Variants in PHF10 observed in about 807,000 individuals in gnomAD.
The protein encoded by PHF10 is BRG1-associated factor 45a.
In PHF10, 51 loss-of-function variants were observed where a neutral mutation model predicts 68.5. The observed-to-expected ratio is 0.74, with a 90% CI of 0.59 to 0.94. PHF10 has a LOEUF of 0.94. Ranked by LOEUF, PHF10 falls within the 40% of genes least tolerant of loss-of-function variation. PHF10 has a pLI of 0.00. For synonymous variants in PHF10, 204 were observed against 203.5 expected, an observed-to-expected ratio of 1.00 and a Z score of -0.02; for missense variants, 460 against 602.6, an observed-to-expected ratio of 0.76 and a Z score of 2.48.
At chr6:169,710,428 A>C (rs1197243083) in intron 8 of PHF10, 37 bp from the exon 9 acceptor site, 3 of 1,491,904 alleles carry the variant, frequency 2.0e-6, no homozygotes, top group Non-Finnish European at 2.8e-6. Context: ...ATTCTTTGGA[A>C]TTAAGACAAA....
Position 169,714,836 on chromosome 6 carries a change from G to A in PHF10, c.700C>T (p.Gln234Ter). The A allele has an allele frequency of 6.6e-7, 1 of 1,508,256 alleles. No homozygotes were observed. Among genetic ancestry groups the A allele is most frequent in the Non-Finnish European group, 9.2e-7 (1 of 1,083,630 alleles). The allele number at this position is 1,508,256 out of a possible 1,614,324, so 93.4% of individuals were successfully genotyped here. A position where few individuals can be genotyped will look rare whatever the true frequency, so the allele number is the denominator to read the frequency against. ...ACTTTGTACTTCCCTTGAGGTACCT[G>A]GATAACCTACGTTAACATAAAGAGA... ...AYFDLQTHVI[Q>*]VPQGKYKVLP... Residue 234 changes from glutamine (Q) to a stop codon, truncating the protein, a stop_gained, in exon 7 of 12, where the codon CAG (glutamine) becomes TAG (stop). Transcript: ENST00000339209. LOFTEE classifies it high-confidence loss of function.
In PHF10 at chr6:169,704,043, C is replaced by A; in HGVS notation, c.1457G>T (p.Arg486Met). Residue 486 changes from arginine (R) to methionine (M), a missense_variant, in exon 12 of 12, where the codon AGG becomes ATG. This residue lies in a region of PHF10 where 111 missense variants were observed against 109.7 expected (regional missense o/e 1.01). Coordinates refer to ENST00000339209, the MANE Select transcript of PHF10 (RefSeq NM_018288.4). ...GTTTTTCCCCCTTCTGCCCACTTTC[C>A]TGGGTGTTGGGGGGGCCCGCTGACA... ...DCCQRAPPTP[R>M]KVGRRGKNSK... 6.3e-7 allele frequency: 1 copy of A among 1,598,228 alleles called. No homozygotes were observed. The highest frequency in any genetic ancestry group is 8.5e-7 in the Non-Finnish European group (1 of 1,175,372).
In PHF10 at chr6:169,724,335, A is replaced by AGCCCCGCCG. The variant is rs1562990521; in HGVS notation, c.-405_-404insCGGCGGGGC. Among the ~76,000 whole-genome samples the AGCCCCGCCG allele has an allele frequency of 1.1e-3, 77 of 69,926 alleles. No individual in the cohort carries two copies. Among genetic ancestry groups the AGCCCCGCCG allele is most frequent in the African/African-American group, 3.8e-3 (60 of 15,986 alleles). The allele number at this position is 69,926 out of a possible 152,430, so 45.9% of individuals were successfully genotyped here. On this transcript the variant is annotated 5_prime_UTR_variant, in exon 1 of 12. Transcript: ENST00000339209. ...CGCCGCGACTCCCTTCAGCCCCGCC[A>AGCCCCGCCG]CTCGCTCGCCTCAGCCCCGCCGCTC...
chr6:169,718,864 T>C lies in PHF10; in HGVS notation c.249A>G (p.Glu83=). The C allele has an allele frequency of 6.2e-7, 1 of 1,600,876 alleles. No individual in the cohort carries two copies. Among genetic ancestry groups the C allele is most frequent in the Non-Finnish European group, 8.6e-7 (1 of 1,169,136 alleles). The change falls in exon 3 of 12, where the codon GAA becomes GAG. Residue 83 remains glutamate, a synonymous_variant. Transcript: ENST00000339209. Reference sequence around the variant, plus strand: ...CTTGAAGCATATAGTATTCTCCTGTTTCATCAGGTGGCCATTTGTACTCTA... The same window carrying C: ...CTTGAAGCATATAGTATTCTCCTGTCTCATCAGGTGGCCATTTGTACTCTA... ...NLIEYKWPPD[E]TGEYYMLQEQ...
At position 169,718,935 on chromosome 6, in the gene PHF10, A is replaced by T. The variant is rs41265399; in HGVS notation, c.195-17T>A. 43,808 of 1,457,212 alleles carry T rather than the reference A, an allele frequency of 0.03. 1,651 individuals are homozygous for T. Among genetic ancestry groups the T allele is most frequent in the South Asian group, 0.17 (13,730 of 79,042 alleles). 90.3% of individuals were successfully genotyped at this position (1,457,212 alleles called of 1,614,324 possible). A position where few individuals can be genotyped will look rare whatever the true frequency, so the allele number is the denominator to read the frequency against. On this transcript the variant is annotated splice_polypyrimidine_tract_variant and intron_variant, in intron 2 of 11. Transcript: ENST00000339209. ...TAACTAAAACTAAGTACAGAAATAC[A>T]TATTATGCATTAAATGTAGCTTTCA...
chr6:169,717,528 G>A (rs567966170), intron 4 of PHF10, among the ~76,000 whole-genome samples: 1 of 152,242 alleles, frequency 6.6e-6, no homozygotes, highest in African/African-American at 2.4e-5. Flanking sequence ...ATATTATACT[G>A]CAAGTGAAAA....
chr6:169,715,822 G>A lies in PHF10; in HGVS notation c.579C>T (p.Ala193=), dbSNP rs142895667. ...TCTTAATATACTCAGGCACTTTACT[G>A]GCTTCAACTTTCTGAGTATTCTGTT... The part of the protein sequence containing the change: ...MQQQNTQKVE[A]SKVPEYIKKA... Residue 193 remains alanine (A), a synonymous_variant, in exon 6 of 12, where the codon GCC becomes GCT. Transcript: ENST00000339209. The A allele has an allele frequency of 3.7e-4, 600 of 1,613,046 alleles. 3 individuals carry two copies. The highest frequency in any genetic ancestry group is 4.6e-4 in the Non-Finnish European group (546 of 1,179,638).
intron 9 of PHF10, chr6:169,710,000 A>G (rs1310666182): frequency 1.9e-5 from 6 of 308,422 alleles, no homozygotes; most frequent in African/African-American, 4.3e-5. Flanking sequence ...AAAGAAAAAA[A>G]AAGACTTATA....
chr6:169,706,148 T>C (rs1346019532), intron 9 of PHF10, among the ~76,000 whole-genome samples: 1 of 152,178 alleles, frequency 6.6e-6, no homozygotes, highest in East Asian at 1.9e-4. Flanking sequence ...ACCTGCTATT[T>C]TCCAAAACTG....
At chr6:169,715,139 A>G (rs1789015973) in intron 6 of PHF10, among the ~76,000 whole-genome samples, 1 of 152,294 alleles carries the variant, frequency 6.6e-6, no homozygotes, top group African/African-American at 2.4e-5. Flanking sequence ...TATGAAATGG[A>G]AGTAATCCTA....
At chr6:169,708,001 C>T (rs1402983549) in intron 9 of PHF10, 2 of 152,128 alleles carry the variant, frequency 1.3e-5, no homozygotes, top group African/African-American at 4.8e-5. Flanking sequence ...GTGGATTGCA[C>T]AGTTGAGGGA....
At chr6:169,706,570 A>T (rs919133828) in intron 9 of PHF10, among the ~76,000 whole-genome samples, 8 of 152,158 alleles carry the variant, frequency 5.3e-5, no homozygotes, top group African/African-American at 1.9e-4. Flanking sequence ...CTGCACTTAA[A>T]ATTACCAGGG....
At position 169,710,216 on chromosome 6, in the gene PHF10, C is replaced by T; in HGVS notation, c.1113+20G>A. 1.3e-6 allele frequency: 2 copies of T among 1,562,266 alleles called. No homozygotes were observed. Among genetic ancestry groups the T allele is most frequent in the Non-Finnish European group, 1.7e-6 (2 of 1,157,208 alleles). On this transcript the variant is annotated intron_variant, in intron 9 of 11. Transcript: ENST00000339209. The stretch of plus-strand genomic sequence containing the variant: ...AGGCTGGTCAGTAAAGAAGCTGAGT[C>T]AGGGGCTTTTTTCTTCTACCTTGTA...
intron 7 of PHF10, among the ~76,000 whole-genome samples, chr6:169,713,872 C>T (rs1585301766): frequency 6.6e-6 from 1 of 152,066 alleles, no homozygotes; most frequent in Admixed American, 6.5e-5. Context: ...ACCTTTAATC[C>T]GAGTACTTTG....
intron 11 of PHF10, 106 bp downstream of exon 11, chr6:169,705,025 TAA>T: frequency 2.7e-6 from 2 of 743,792 alleles, no homozygotes; most frequent in South Asian, 4.6e-5. Flanking sequence ...TATTTGCACA[TAA>T]GAGTCCACAA....
chr6:169,721,071 G>A lies in PHF10; in HGVS notation c.128C>T (p.Ser43Phe), dbSNP rs1352816821. 1.0e-5 allele frequency: 16 copies of A among 1,546,224 alleles called. No homozygotes were observed. The highest frequency in any genetic ancestry group is 1.4e-5 in the Non-Finnish European group (16 of 1,143,914). ...EDNSNDGTQP[S>F]KRRRMGSGDS... ...TCCTGAGCCCATTCGCCTCCTTTTG[G>A]ATGGCTGGGTCCCATCATTTGAATT... Residue 43 changes from serine (S) to phenylalanine (F), a missense_variant, in exon 2 of 12, where the codon TCC becomes TTC. This residue lies in a region of PHF10 where 93 missense variants were observed against 82.4 expected (regional missense o/e 1.13). Coordinates refer to ENST00000339209, the MANE Select transcript of PHF10 (RefSeq NM_018288.4).
In PHF10 at chr6:169,705,599, G is replaced by A; in HGVS notation, c.1222+17C>T. Reference sequence around the variant, plus strand: ...AATACGGTGGTTAAAATTTTAAAAAGACATTTCAATACTTACCACTATTCT... The same window carrying A: ...AATACGGTGGTTAAAATTTTAAAAAAACATTTCAATACTTACCACTATTCT... On this transcript the variant is annotated intron_variant, in intron 10 of 11. Coordinates refer to ENST00000339209, the MANE Select transcript of PHF10 (RefSeq NM_018288.4). 1 of 1,212,158 alleles carries A rather than the reference G, an allele frequency of 8.2e-7. No individual in the cohort carries two copies. Among genetic ancestry groups the A allele is most frequent in the South Asian group, 1.2e-5 (1 of 81,910 alleles). The allele number at this position is 1,212,158 out of a possible 1,614,324, so 75.1% of individuals were successfully genotyped here.
chr6:169,705,527 T>C (rs935668226), intron 10 of PHF10, 89 bp downstream of exon 10: 6 of 834,404 alleles, frequency 7.2e-6, no homozygotes, highest in Admixed American at 3.7e-5. Context: ...GGTGACTCTT[T>C]GGTTGAAATC....
chr6:169,716,816 TC>T (rs2128330644), intron 4 of PHF10, among the ~76,000 whole-genome samples: 1 of 152,224 alleles, frequency 6.6e-6, no homozygotes, highest in South Asian at 2.1e-4. Flanking sequence ...AGTCCTGTGT[TC>T]CAGTGATCCT....
Sources: gnomAD v4.1 joint callset for allele counts (sites outside exome capture counted in the v4.1 genomes callset) on GRCh38, gnomAD v4.1.1 for gene constraint, gnomAD v4.1.1 regional missense constraint, MANE v1.5 for transcripts, NCBI Gene and HGNC (gene_info 2026-07-23, HGNC 2026-07-21) for gene names.